TDRD6: variants seen among roughly 807,000 people sequenced by gnomAD.
TDRD6 encodes tudor domain-containing protein 6.
A neutral mutation model predicts 157.5 loss-of-function variants in TDRD6; 186 were observed. The ratio of observed to expected loss-of-function variants is 1.18; its 90% CI spans 1.05 to 1.33. The LOEUF (loss-of-function observed/expected upper bound fraction) is 1.33, where lower values mean the gene tolerates loss of function less well. Ranked by LOEUF, TDRD6 falls within the 40% of genes most tolerant of loss-of-function variation. The pLI, the probability that TDRD6 is intolerant of heterozygous loss-of-function variation, is 0.00. For synonymous variants in TDRD6, 1,075 were observed against 945.2 expected, an observed-to-expected ratio of 1.14 and a Z score of -2.52; for missense variants, 3,066 against 2,508.0, an observed-to-expected ratio of 1.22 and a Z score of -4.75.
upstream of TDRD6, among the ~76,000 whole-genome samples, chr6:46,683,265 T>G (rs1057436062): frequency 7.2e-5 from 11 of 152,010 alleles, no homozygotes; most frequent in African/African-American, 2.7e-4. Flanking sequence ...TATCCATATA[T>G]AAAAATAAAA....
chr6:46,693,774 T>G lies in TDRD6; in HGVS notation c.5646T>G (p.Cys1882Trp), dbSNP rs1005789917. The change falls in exon 1 of 4, where the codon TGT becomes TGG. Residue 1882 changes from cysteine to tryptophan, a missense_variant. Physicochemically the swap from Cys to Trp is radical, Grantham distance 215. Coordinates refer to ENST00000316081, the MANE Select transcript of TDRD6 (RefSeq NM_001010870.3). ...CGAATGTGCCACTCTCCCAAGAGTG[T>G]GTCACAAAAGGCGCCATGGAGCTAT... ...VPPNVPLSQE[C>W]VTKGAMELFT... 6.8e-6 allele frequency: 11 copies of G among 1,614,064 alleles called. No individual in the cohort carries two copies. Among genetic ancestry groups the G allele is most frequent in the Admixed American group, 3.3e-5 (2 of 59,994 alleles).
Position 46,688,174 on chromosome 6 carries a change from C to G in TDRD6, c.46C>G (p.Leu16Val). Residue 16 changes from leucine to valine, a missense_variant, in exon 1 of 4, where the codon CTG becomes GTG. Physicochemically the swap from Leu to Val is conservative, Grantham distance 32 (BLOSUM62 1). Transcript: ENST00000316081. ...GCCGGCGCCGGGGGCCTCGCTGGCC[C>G]TGCGGGTGTCCTTCGTGGACGTGCA... ...GMPAPGASLA[L>V]RVSFVDVHPD... 1 of 1,550,426 alleles carries G rather than the reference C, an allele frequency of 6.4e-7. No individual in the cohort carries two copies. Among genetic ancestry groups the G allele is most frequent in the South Asian group, 1.2e-5 (1 of 85,514 alleles).
In TDRD6 at chr6:46,692,990, C is replaced by G. The variant is rs751165400; in HGVS notation, c.4862C>G (p.Pro1621Arg). The change falls in exon 1 of 4, where the codon CCT becomes CGT. Residue 1621 changes from proline to arginine, a missense_variant. Transcript: ENST00000316081. Reference sequence around the variant, plus strand: ...GACCCAAAAGCACTCTGGGCCATTCCTTCTGAACTTCTGTCGGTTCCCATG... The same window carrying G: ...GACCCAAAAGCACTCTGGGCCATTCGTTCTGAACTTCTGTCGGTTCCCATG... ...CVDPKALWAI[P>R]SELLSVPMQA... 6.2e-7 allele frequency: 1 copy of G among 1,612,306 alleles called. No homozygotes were observed. The highest frequency in any genetic ancestry group is 1.1e-5 in the South Asian group (1 of 90,824).
chr6:46,698,586 A>G (rs1256672620), intron 3 of TDRD6, among the ~76,000 whole-genome samples: 3 of 152,190 alleles, frequency 2.0e-5, no homozygotes, highest in Non-Finnish European at 4.4e-5. Flanking sequence ...CCATGACATT[A>G]TGATGTGTCT....
At position 46,688,682 on chromosome 6, in the gene TDRD6, C is replaced by G. The variant is rs1411128174; in HGVS notation, c.554C>G (p.Pro185Arg). Residue 185 changes from proline to arginine, a missense_variant, in exon 1 of 4, where the codon CCT (proline) becomes CGT (arginine). Transcript: ENST00000316081. ...LLHRLVLLEV[P>R]DVFQQMRELG... ...CATCGCCTGGTCCTCCTGGAGGTGC[C>G]TGATGTGTTCCAACAGATGCGGGAG... 1 of 1,600,312 alleles carries G rather than the reference C, an allele frequency of 6.2e-7. No individual in the cohort carries two copies. The highest frequency in any genetic ancestry group is 2.2e-5 in the East Asian group (1 of 44,840).
chr6:46,684,217 T>C (rs1764031880), upstream of TDRD6, among the ~76,000 whole-genome samples: 1 of 152,174 alleles, frequency 6.6e-6, no homozygotes, highest in African/African-American at 2.4e-5. Flanking sequence ...AAAAGCTTTT[T>C]ATTTTGAAAT....
In TDRD6 at chr6:46,693,334, G is replaced by T; in HGVS notation, c.5206G>T (p.Ala1736Ser). 2 of 1,604,688 alleles carry T rather than the reference G, an allele frequency of 1.2e-6. No individual in the cohort carries two copies. Among genetic ancestry groups the T allele is most frequent in the Non-Finnish European group, 1.7e-6 (2 of 1,177,494 alleles). Residue 1736 changes from alanine to serine, a missense_variant, in exon 1 of 4, where the codon GCT (alanine) becomes TCT (serine). Transcript: ENST00000316081. Reference sequence around the variant, plus strand: ...AGGACTTAAGAAATTAAGTAATAAAGCTGTACAAAATAAAATATATATGGA... The same window carrying T: ...AGGACTTAAGAAATTAAGTAATAAATCTGTACAAAATAAAATATATATGGA... Reference protein sequence around the residue: ...DVGLKKLSNKAVQNKIYMEQQ... With the variant: ...DVGLKKLSNKSVQNKIYMEQQ...
rs1764416169 is a variant in TDRD6, at chr6:46,693,757, C to T, written c.5629C>T (p.Pro1877Ser). 1 of 1,614,066 alleles carries T rather than the reference C, an allele frequency of 6.2e-7. No homozygotes were observed. Among genetic ancestry groups the T allele is most frequent in the Non-Finnish European group, 8.5e-7 (1 of 1,180,048 alleles). ...GELSPVPPNV[P>S]LSQECVTKGA... is the part of the protein sequence containing the mutation. ...GCTAAGCCCGGTGCCACCGAATGTG[C>T]CACTCTCCCAAGAGTGTGTCACAAA... Residue 1877 changes from proline to serine, a missense_variant, in exon 1 of 4, where the codon CCA (proline) becomes TCA (serine). Transcript: ENST00000316081.
At chr6:46,699,339 CAG>C (rs1764568959) in intron 3 of TDRD6, among the ~76,000 whole-genome samples, 1 of 152,128 alleles carries the variant, frequency 6.6e-6, no homozygotes, top group African/African-American at 2.4e-5. Context: ...CTTCAGATGA[CAG>C]AAAGCTCTTT....
At chr6:46,699,560 T>G (rs1194042436) in intron 3 of TDRD6, among the ~76,000 whole-genome samples, 1 of 152,212 alleles carries the variant, frequency 6.6e-6, no homozygotes, top group Non-Finnish European at 1.5e-5. Flanking sequence ...TTATCCCTAG[T>G]CCACTGGCTA....
rs1293502045 is a variant in TDRD6 at position 46,691,459 on chromosome 6, G to A, written c.3331G>A (p.Val1111Met). Residue 1111 changes from valine to methionine, a missense_variant, in exon 1 of 4, where the codon GTG becomes ATG. Coordinates refer to ENST00000316081, the MANE Select transcript of TDRD6 (RefSeq NM_001010870.3). ...TATTCCTGATCATATACCAGAAGAAGTGGTGGTGTGGTTTCAGGAGACTAT... is the reference window on the plus strand; with the variant it reads ...TATTCCTGATCATATACCAGAAGAAATGGTGGTGTGGTTTCAGGAGACTAT... The part of the protein sequence containing the change: ...SDIPDHIPEE[V>M]VVWFQETILD... 6.2e-7 allele frequency: 1 copy of A among 1,614,072 alleles called. No individual in the cohort carries two copies. Among genetic ancestry groups the A allele is most frequent in the Admixed American group, 1.7e-5 (1 of 60,030 alleles).
chr6:46,694,389 G>A (rs1764439865), intron 1 of TDRD6, among the ~76,000 whole-genome samples: 1 of 151,744 alleles, frequency 6.6e-6, no homozygotes, highest in Non-Finnish European at 1.5e-5. Context: ...TTTTTGTAGA[G>A]ACAGGGTTTG....
rs1487216508 is a variant in TDRD6, at chr6:46,692,087, T to C, written c.3959T>C (p.Phe1320Ser). ...YVSHINDLSD[F>S]YVQLIEDEAE... is the part of the protein sequence containing the mutation. ...TCTCATATAAATGACCTTTCAGACT[T>C]TTATGTTCAACTAATAGAAGATGAA... The change falls in exon 1 of 4, where the codon TTT becomes TCT. Residue 1320 changes from phenylalanine to serine, a missense_variant. Transcript: ENST00000316081. 1 of 1,613,104 alleles carries C rather than the reference T, an allele frequency of 6.2e-7. No homozygotes were observed. Among genetic ancestry groups the C allele is most frequent in the South Asian group, 1.1e-5 (1 of 90,944 alleles).
upstream of TDRD6, among the ~76,000 whole-genome samples, chr6:46,686,935 A>G (rs1248960114): frequency 1.3e-5 from 2 of 152,254 alleles, no homozygotes; most frequent in Non-Finnish European, 2.9e-5. Flanking sequence ...CAGTTAGGCC[A>G]GGGTCATTTG....
Position 46,691,903 on chromosome 6 carries a change from G to T in TDRD6, c.3775G>T (p.Glu1259Ter). The change falls in exon 1 of 4, where the codon GAA becomes TAA. Residue 1259 changes from glutamate (E) to a stop codon, truncating the protein, a stop_gained. Transcript: ENST00000316081. LOFTEE classifies it high-confidence loss of function. Reference sequence around the variant, plus strand: ...GTTTCCATTAACAACAGAAAAGAAAGAAGAAATTTCTGCTGAGACACCCTT... The same window carrying T: ...GTTTCCATTAACAACAGAAAAGAAATAAGAAATTTCTGCTGAGACACCCTT... ...QVFPLTTEKK[E>*]EISAETPLKT... 6.3e-7 allele frequency: 1 copy of T among 1,594,798 alleles called. No homozygotes were observed. The highest frequency in any genetic ancestry group is 8.5e-7 in the Non-Finnish European group (1 of 1,174,800).
In TDRD6 at chr6:46,688,362, G is replaced by C. The variant is rs1390872405; in HGVS notation, c.234G>C (p.Gly78=). The change falls in exon 1 of 4, where the codon GGG becomes GGC. Residue 78 remains glycine (G), a synonymous_variant. Transcript: ENST00000316081. The stretch of plus-strand genomic sequence containing the variant: ...GCGAGCTGTGCCTGGTGCAGGTCGG[G>C]CTTTTGTGGCACCGCTGCCGCGTGG... ...SPGELCLVQV[G]LLWHRCRVVS... 1 of 1,533,534 alleles carries C rather than the reference G, an allele frequency of 6.5e-7. No homozygotes were observed. Among genetic ancestry groups the C allele is most frequent in the Non-Finnish European group, 8.7e-7 (1 of 1,144,472 alleles). 95.0% of individuals were successfully genotyped at this position (1,533,534 alleles called of 1,614,324 possible).
rs1764398369 is a variant in TDRD6 at position 46,693,320 on chromosome 6, A to C, written c.5192A>C (p.Lys1731Thr). Residue 1731 changes from lysine to threonine, a missense_variant, in exon 1 of 4, where the codon AAA becomes ACA. By Grantham distance (78) the Lys-to-Thr change is moderately conservative. Coordinates refer to ENST00000316081, the MANE Select transcript of TDRD6 (RefSeq NM_001010870.3). Reference sequence around the variant, plus strand: ...TACAATCTTGATGTAGGACTTAAGAAATTAAGTAATAAAGCTGTACAAAAT... The same window carrying C: ...TACAATCTTGATGTAGGACTTAAGACATTAAGTAATAAAGCTGTACAAAAT... ...GSYNLDVGLK[K>T]LSNKAVQNKI... is the part of the protein sequence containing the mutation. 1 of 1,604,832 alleles carries C rather than the reference A, an allele frequency of 6.2e-7. No individual in the cohort carries two copies. The highest frequency in any genetic ancestry group is 8.5e-7 in the Non-Finnish European group (1 of 1,177,610).
Position 46,693,306 on chromosome 6 carries a change from T to C in TDRD6, c.5178T>C (p.Asp1726=), listed in dbSNP as rs573072381. ...AGACTCTTGGGTCCTACAATCTTGA[T>C]GTAGGACTTAAGAAATTAAGTAATA... The part of the protein sequence containing the change: ...IKQTLGSYNL[D]VGLKKLSNKA... The change falls in exon 1 of 4, where the codon GAT becomes GAC. Residue 1726 remains aspartate, a synonymous_variant. Transcript: ENST00000316081. 6.2e-7 allele frequency: 1 copy of C among 1,608,112 alleles called. No individual in the cohort carries two copies. The highest frequency in any genetic ancestry group is 1.3e-5 in the African/African-American group (1 of 74,394).
chr6:46,681,411 A>T, the TDRD6 span: 16 of 390,788 alleles, frequency 4.1e-5, no homozygotes, highest in Non-Finnish European at 7.5e-5. Context: ...TTATATCACT[A>T]TTTGGCCTTC....
Sources: allele counts gnomAD v4.1 joint callset (sites outside exome capture counted in the v4.1 genomes callset), GRCh38; gene constraint gnomAD v4.1.1; transcripts MANE v1.5; gene names NCBI Gene and HGNC (gene_info 2026-07-23, HGNC 2026-07-21).